Variants in MYRFL observed in about 807,000 individuals in gnomAD.
MYRFL encodes myelin regulatory factor like, also known as myelin regulatory factor-like protein.
In MYRFL, 88 loss-of-function variants were observed where a neutral mutation model predicts 109.4. The ratio of observed to expected loss-of-function variants is 0.80; its 90% CI spans 0.68 to 0.96. The LOEUF (loss-of-function observed/expected upper bound fraction) is 0.96. Among genes scored for constraint, MYRFL ranks in the 40% least tolerant of loss-of-function variants. The pLI is 0.00. For missense variants in MYRFL, 957 were observed against 954.9 expected (o/e 1.00, Z -0.03); for synonymous variants, 324 against 320.9 (o/e 1.01, Z -0.10).
intron 13 of MYRFL, among the ~76,000 whole-genome samples, chr12:69,926,138 T>TC (rs1435945544): frequency 1.5e-5 from 2 of 133,990 alleles, no homozygotes; most frequent in African/African-American, 6.9e-5. Flanking sequence ...TTTTTTTTTT[T>TC]TTTGAGATGG....
chr12:69,936,084 T>C, intron 16 of MYRFL, 29 bp from the exon 17 acceptor site: 2 of 1,212,228 alleles, frequency 1.6e-6, no homozygotes, highest in Non-Finnish European at 2.2e-6. Context: ...TAATGTTTTT[T>C]TTTTTTTTTT....
chr12:69,880,675 G>A (rs927849949), intron 5 of MYRFL, among the ~76,000 whole-genome samples: 1 of 152,204 alleles, frequency 6.6e-6, no homozygotes, highest in Middle Eastern at 3.2e-3. Flanking sequence ...GAAATAGCAT[G>A]AGGATCTTGG....
At chr12:69,909,651 A>C (rs1954489438) in intron 11 of MYRFL, among the ~76,000 whole-genome samples, 2 of 152,068 alleles carry the variant, frequency 1.3e-5, no homozygotes, top group African/African-American at 4.8e-5. Context: ...AGTTCACTGT[A>C]CTCTCTTGAT....
chr12:69,902,592 T>C (rs1266702438), intron 10 of MYRFL, among the ~76,000 whole-genome samples: 1 of 152,344 alleles, frequency 6.6e-6, no homozygotes, highest in East Asian at 1.9e-4. Context: ...ACTGACTTTT[T>C]AGATAATCAG....
At chr12:69,953,000 AT>A (rs980658957) in intron 21 of MYRFL, 114 bp downstream of exon 21, 188 of 650,346 alleles carry the variant, frequency 2.9e-4, no homozygotes, top group Non-Finnish European at 4.4e-4. Context: ...GTGTGCTTAC[AT>A]TGCTCCTTAA....
At chr12:69,834,219 T>TG (rs1488318439) in intron 1 of MYRFL, among the ~76,000 whole-genome samples, 3 of 152,214 alleles carry the variant, frequency 2.0e-5, no homozygotes, top group African/African-American at 7.2e-5. Flanking sequence ...CCCCAGTGGT[T>TG]GATACCCTGG....
chr12:69,837,703 G>A (rs1282135145), intron 1 of MYRFL, among the ~76,000 whole-genome samples: 1 of 152,130 alleles, frequency 6.6e-6, no homozygotes, highest in Non-Finnish European at 1.5e-5. Flanking sequence ...GGGTCACATG[G>A]GGCTTCCTCC....
intron 11 of MYRFL, among the ~76,000 whole-genome samples, chr12:69,907,197 A>T (rs1271366195): frequency 2.0e-5 from 3 of 152,212 alleles, no homozygotes; most frequent in African/African-American, 7.2e-5. Context: ...CAGAAATTAG[A>T]AAAGCATTTT....
intron 11 of MYRFL, among the ~76,000 whole-genome samples, chr12:69,909,651 ACT>A (rs939763547): frequency 2.4e-4 from 37 of 152,068 alleles, no homozygotes; most frequent in African/African-American, 8.9e-4. Context: ...AGTTCACTGT[ACT>A]CTCTTGATTG....
intron 2 of MYRFL, among the ~76,000 whole-genome samples, chr12:69,858,924 A>G (rs1407729624): frequency 6.6e-6 from 1 of 151,942 alleles, no homozygotes. Context: ...TTTAGAGTGG[A>G]AAGTGAGTTT....
intron 19 of MYRFL, among the ~76,000 whole-genome samples, chr12:69,939,656 A>G (rs370891389): frequency 4.6e-5 from 7 of 152,176 alleles, no homozygotes; most frequent in South Asian, 2.1e-4. Flanking sequence ...CCAAAGGAAC[A>G]CAGTTCCTCA....
At chr12:69,860,196 T>A (rs1192447898) in intron 2 of MYRFL, among the ~76,000 whole-genome samples, 2 of 152,182 alleles carry the variant, frequency 1.3e-5, no homozygotes, top group East Asian at 3.8e-4. Context: ...TGAGAATATG[T>A]GGTGTTTGGT....
chr12:69,920,163 G>A (rs980038329), intron 13 of MYRFL, among the ~76,000 whole-genome samples: 5 of 152,082 alleles, frequency 3.3e-5, no homozygotes, highest in South Asian at 2.1e-4. Context: ...CAATCTCCTC[G>A]CAAAGAGGAC....
intron 19 of MYRFL, among the ~76,000 whole-genome samples, chr12:69,939,521 C>G (rs1194782350): frequency 2.6e-5 from 4 of 152,012 alleles, no homozygotes; most frequent in African/African-American, 9.7e-5. Context: ...GAAAGGACAT[C>G]CACACCAAAA....
intron 1 of MYRFL, among the ~76,000 whole-genome samples, chr12:69,831,117 G>T (rs1882604921): frequency 1.3e-5 from 2 of 152,068 alleles, no homozygotes; most frequent in South Asian, 4.1e-4. Flanking sequence ...AAACAAAAAT[G>T]GGATTATATA....
At chr12:69,854,741 TTACATGCATATATGGCA>T (rs1884165411) in intron 1 of MYRFL, among the ~76,000 whole-genome samples, 1 of 152,150 alleles carries the variant, frequency 6.6e-6, no homozygotes, top group Non-Finnish European at 1.5e-5. Flanking sequence ...GACAGACTTC[TTACATGCATATATGGCA>T]TACTGATAAA....
intron 7 of MYRFL, among the ~76,000 whole-genome samples, chr12:69,892,082 A>T (rs7973025): frequency 0.16 from 24,105 of 152,172 alleles, 2,265 homozygotes; most frequent in Non-Finnish European, 0.22. Context: ...TACTAAATGT[A>T]TTCTTAATTA....
chr12:69,835,715 T>C (rs1882895023), intron 1 of MYRFL, among the ~76,000 whole-genome samples: 1 of 152,212 alleles, frequency 6.6e-6, no homozygotes, highest in African/African-American at 2.4e-5. Flanking sequence ...TGAAAGTTCC[T>C]GACATGGAAG....
In MYRFL at chr12:69,897,200, A is replaced by C. The variant is rs1483059317; in HGVS notation, c.1136A>C (p.Gln379Pro). Residue 379 changes from glutamine (Q) to proline (P), a missense_variant, in exon 10 of 25, where the codon CAG becomes CCG. Gln to Pro is a moderately conservative substitution (Grantham distance 76). Coordinates refer to ENST00000552032, the MANE Select transcript of MYRFL (RefSeq NM_182530.3). Reference sequence around the variant, plus strand: ...GGACTGTATGCTGCTAACCAAGACCAGTTCTATCTGTTGTCTGCCCACATC... The same window carrying C: ...GGACTGTATGCTGCTAACCAAGACCCGTTCTATCTGTTGTCTGCCCACATC... ...VVGLYAANQD[Q>P]FYLLSAHISE... is the part of the protein sequence containing the mutation. 2.6e-6 allele frequency: 4 copies of C among 1,535,740 alleles called. No individual in the cohort carries two copies. In the Admixed American group the frequency reaches 7.8e-5, roughly 30 times the overall value.
Sources: allele counts gnomAD v4.1 joint callset (sites outside exome capture counted in the v4.1 genomes callset), GRCh38; gene constraint gnomAD v4.1.1; transcripts MANE v1.5; gene names NCBI Gene and HGNC (gene_info 2026-07-23, HGNC 2026-07-21).